HECTD4: variants seen among roughly 807,000 people sequenced by gnomAD.
HECTD4 encodes the protein probable E3 ubiquitin-protein ligase HECTD4.
A neutral mutation model predicts 471.5 loss-of-function variants in HECTD4; 114 were observed. The observed-to-expected ratio is 0.24, with a 90% confidence interval of 0.21 to 0.28. The LOEUF (loss-of-function observed/expected upper bound fraction) is 0.28, where lower values mean the gene tolerates loss of function less well. Among genes scored for constraint, HECTD4 ranks in the 10% least tolerant of loss-of-function variants. The probability of loss-of-function intolerance (pLI) is 1.00; values close to 1 mark genes in which losing one functional copy is unlikely to be tolerated. For synonymous variants in HECTD4, 2,012 were observed against 2,256.0 expected (o/e 0.89, Z 3.07); for missense variants, 3,866 against 5,651.5 (o/e 0.68, Z 10.13).
chr12:112,251,878 T>C (rs1288181999), intron 23 of HECTD4, among the ~76,000 whole-genome samples: 1 of 152,148 alleles, frequency 6.6e-6, no homozygotes, highest in Non-Finnish European at 1.5e-5. Flanking sequence ...TTCAAGCGAT[T>C]CTCCTCCCTC....
Position 112,203,791 on chromosome 12 carries a change from G to A in HECTD4, c.8270-19C>T. ...GTGAGACCTGAGGAGTGTAGAGGGAGAAGTTTTTCAGGAAAAAGTACCACT... is the reference window on the plus strand; with the variant it reads ...GTGAGACCTGAGGAGTGTAGAGGGAAAAGTTTTTCAGGAAAAAGTACCACT... On this transcript the variant is annotated intron_variant, in intron 53 of 75. Transcript: ENST00000682272. 2 of 1,517,068 alleles carry A rather than the reference G, an allele frequency of 1.3e-6. No homozygotes were observed. The highest frequency in any genetic ancestry group is 1.8e-6 in the Non-Finnish European group (2 of 1,125,898). The allele number at this position is 1,517,068 out of a possible 1,614,324, so 94.0% of individuals were successfully genotyped here. A position where few individuals can be genotyped will look rare whatever the true frequency, so the allele number is the denominator to read the frequency against.
chr12:112,198,689 A>G (rs540031187), intron 55 of HECTD4, among the ~76,000 whole-genome samples: 2 of 152,328 alleles, frequency 1.3e-5, no homozygotes, highest in Admixed American at 1.3e-4. Context: ...ATTTCAGGGA[A>G]AAATTCAGAT....
chr12:112,196,899 G>A (rs2032262302), intron 55 of HECTD4, among the ~76,000 whole-genome samples: 1 of 152,048 alleles, frequency 6.6e-6, no homozygotes, highest in Non-Finnish European at 1.5e-5. Flanking sequence ...AGGTTCAAGC[G>A]ATTCTCCTGC....
At chr12:112,221,344 A>C (rs527816835) in intron 44 of HECTD4, among the ~76,000 whole-genome samples, 2 of 149,910 alleles carry the variant, frequency 1.3e-5, no homozygotes, top group Admixed American at 6.6e-5. Flanking sequence ...GACTTCCTGG[A>C]CTCAGGTGAT....
intron 1 of HECTD4, among the ~76,000 whole-genome samples, chr12:112,351,416 T>A (rs1268415367): frequency 6.6e-6 from 1 of 152,194 alleles, no homozygotes; most frequent in African/African-American, 2.4e-5. Context: ...CCTTCTCCTA[T>A]CTCAAAATAT....
rs778056922 is a variant in HECTD4, at chr12:112,230,805, G to A, written c.6218C>T (p.Pro2073Leu). Reference sequence around the variant, plus strand: ...GTTTGCCACATGCCCACTGATGAAGGGACGCACAGGATCAGTCCTGCAAGT... The same window carrying A: ...GTTTGCCACATGCCCACTGATGAAGAGACGCACAGGATCAGTCCTGCAAGT... ...SELARTDPVR[P>L]FISGHVANSM... The change falls in exon 40 of 76, where the codon CCC becomes CTC. Residue 2073 changes from proline (P) to leucine (L), a missense_variant. Physicochemically the swap from Pro to Leu is moderately conservative, Grantham distance 98. Transcript: ENST00000682272. 6.2e-7 allele frequency: 1 copy of A among 1,610,154 alleles called. No homozygotes were observed. The highest frequency in any genetic ancestry group is 1.1e-5 in the South Asian group (1 of 90,040).
chr12:112,193,700 T>G lies in HECTD4; in HGVS notation c.8750-26A>C. The stretch of plus-strand genomic sequence containing the variant: ...CTGGGGACGGAAAGGAAACAGAAGT[T>G]GACAAGAATCAAAGCAGCCAGTAGC... On this transcript the variant is annotated intron_variant, in intron 56 of 75. Coordinates refer to ENST00000682272, the MANE Select transcript of HECTD4 (RefSeq NM_001388303.1). The surrounding 1 kb of genome is among the most constrained non-coding windows in gnomAD (Gnocchi z 5.2). 6.3e-7 allele frequency: 1 copy of G among 1,592,066 alleles called. No individual in the cohort carries two copies. Among genetic ancestry groups the G allele is most frequent in the Non-Finnish European group, 8.6e-7 (1 of 1,168,440 alleles).
intron 1 of HECTD4, among the ~76,000 whole-genome samples, chr12:112,365,993 C>T (rs2036550104): frequency 6.6e-6 from 1 of 152,038 alleles, no homozygotes; most frequent in South Asian, 2.1e-4. Flanking sequence ...CCGGGCTGGT[C>T]TCAAACCCCT....
chr12:112,195,745 G>A (rs904938074), intron 55 of HECTD4, among the ~76,000 whole-genome samples: 1 of 152,182 alleles, frequency 6.6e-6, no homozygotes, highest in Admixed American at 6.5e-5. Context: ...TGGGTGAATT[G>A]CATGGTATGT....
In HECTD4 at chr12:112,176,836, G is replaced by T. The variant is rs529345847; in HGVS notation, c.11364-134C>A. 4.9e-5 allele frequency: 33 copies of T among 677,800 alleles called. No individual in the cohort carries two copies. In the South Asian group the frequency reaches 6.0e-4, roughly 12 times the overall value. The allele number at this position is 677,800 out of a possible 1,614,324, so 42.0% of individuals were successfully genotyped here. A position where few individuals can be genotyped will look rare whatever the true frequency, so the allele number is the denominator to read the frequency against. On this transcript the variant is annotated intron_variant, in intron 64 of 75. Coordinates refer to ENST00000682272, the MANE Select transcript of HECTD4 (RefSeq NM_001388303.1). ...CTTAGGGCTCAGATAGGGCGGGGGC[G>T]TTCAAGACCGCCTTTGTTCTGAGTG...
intron 1 of HECTD4, among the ~76,000 whole-genome samples, chr12:112,339,138 C>T (rs1285930358): frequency 7.9e-5 from 12 of 151,872 alleles, no homozygotes; most frequent in African/African-American, 2.4e-5. Flanking sequence ...CAAGAATATT[C>T]GTAGCAACAC....
rs79645275 is a variant in HECTD4, at chr12:112,347,851, C to T, written c.178-28109G>A. On this transcript the variant is annotated intron_variant, in intron 1 of 75. Coordinates refer to ENST00000682272, the MANE Select transcript of HECTD4 (RefSeq NM_001388303.1). ...GCCCAAGCTGTGTTTGCTCTCATGC[C>T]AATTGCTTGCCAGATGAACTGTACA... Among the ~76,000 whole-genome samples, 1,238 of 152,242 alleles carry T rather than the reference C, an allele frequency of 8.1e-3. 16 individuals carry two copies. The highest frequency in any genetic ancestry group is 0.029 in the African/African-American group (1,190 of 41,538).
At chr12:112,255,437 A>T (rs1383954775) in intron 21 of HECTD4, among the ~76,000 whole-genome samples, 5 of 152,228 alleles carry the variant, frequency 3.3e-5, no homozygotes, top group African/African-American at 4.8e-5. Context: ...GGGGAAGAGG[A>T]TTCTATAACT....
Position 112,265,865 on chromosome 12 carries a change from TA to T in HECTD4, c.2498+12del. On this transcript the variant is annotated intron_variant, in intron 15 of 75. Coordinates refer to ENST00000682272, the MANE Select transcript of HECTD4 (RefSeq NM_001388303.1). ...ACACAAAGGCTAGAAGTGAATAATA[TA>T]ACTGGTGTCACCTGTAATGATCATC... The T allele has an allele frequency of 6.3e-7, 1 of 1,587,180 alleles. No individual in the cohort carries two copies. The highest frequency in any genetic ancestry group is 8.7e-7 in the Non-Finnish European group (1 of 1,156,038).
chr12:112,269,457 T>TTTTG (rs559093680), intron 13 of HECTD4, among the ~76,000 whole-genome samples: 66 of 152,126 alleles, frequency 4.3e-4, no homozygotes, highest in African/African-American at 5.5e-4. Context: ...AAAGGGTTGG[T>TTTTG]TTTGTTTGTT....
Position 112,356,813 on chromosome 12 carries a change from C to T in HECTD4, c.177+25139G>A, listed in dbSNP as rs114021391. Among the ~76,000 whole-genome samples, 410 of 152,186 alleles carry T rather than the reference C, an allele frequency of 2.7e-3. 2 individuals are homozygous for T. Among genetic ancestry groups the T allele is most frequent in the African/African-American group, 9.5e-3 (394 of 41,546 alleles). ...AACACTTATGGATAGGGCTAGCTAC[C>T]AAAAAGTTTAAGGTTCTTCTGAACT... On this transcript the variant is annotated intron_variant, in intron 1 of 75. Coordinates refer to ENST00000682272, the MANE Select transcript of HECTD4 (RefSeq NM_001388303.1).
chr12:112,378,251 CTA>C (rs2036820540), intron 1 of HECTD4, among the ~76,000 whole-genome samples: 1 of 152,050 alleles, frequency 6.6e-6, no homozygotes, highest in Non-Finnish European at 1.5e-5. Context: ...CGGAGTCTCG[CTA>C]TGTTGCCCAG....
rs889310868 is a variant in HECTD4, at chr12:112,162,674, C to T, written c.13121-151G>A. 4.7e-6 allele frequency: 4 copies of T among 850,340 alleles called. No homozygotes were observed. Among genetic ancestry groups the T allele is most frequent in the Non-Finnish European group, 5.5e-6 (3 of 550,396 alleles). The allele number at this position is 850,340 out of a possible 1,614,324, so 52.7% of individuals were successfully genotyped here. On this transcript the variant is annotated intron_variant, in intron 75 of 75. Coordinates refer to ENST00000682272, the MANE Select transcript of HECTD4 (RefSeq NM_001388303.1). The surrounding 1 kb of genome is among the most constrained non-coding windows in gnomAD (Gnocchi z 5.2). ...CAGGAGGGGGATGAGGGCCTGGGAA[C>T]CTGCGAGATGTTCTTGGAGGGAAAA...
At chr12:112,282,300 G>A (rs546892193) in intron 8 of HECTD4, among the ~76,000 whole-genome samples, 1 of 152,126 alleles carries the variant, frequency 6.6e-6, no homozygotes, top group Admixed American at 6.5e-5. Flanking sequence ...GGAGAATGGC[G>A]TGAACCTGGG....
Sources: gnomAD v4.1 joint callset for allele counts (sites outside exome capture counted in the v4.1 genomes callset) on GRCh38, gnomAD v4.1.1 for gene constraint, Gnocchi (gnomAD v3.1) non-coding constraint, MANE v1.5 for transcripts, NCBI Gene and HGNC (gene_info 2026-07-23, HGNC 2026-07-21) for gene names.